The following PKIB variants were observed in gnomAD, a reference collection of about 807,000 sequenced individuals.
PKIB encodes the protein cAMP-dependent protein kinase inhibitor beta.
PKIB carries 2 observed loss-of-function variants against 4.5 expected under a neutral mutation model. The observed-to-expected ratio is 0.44, with a 90% CI of 0.18 to 1.39. The LOEUF is 1.39. Ranked by LOEUF, PKIB falls within the 40% of genes most tolerant of loss-of-function variation. The probability of loss-of-function intolerance (pLI) is 0.27; values close to 1 mark genes in which losing one functional copy is unlikely to be tolerated. For missense variants in PKIB, 94 were observed against 92.6 expected (o/e 1.02, Z -0.06); for synonymous variants, 38 against 36.0 (o/e 1.06, Z -0.20).
intron 2 of PKIB, among the ~76,000 whole-genome samples, chr6:122,663,791 A>T (rs1382480785): frequency 1.3e-5 from 2 of 152,148 alleles, no homozygotes; most frequent in African/African-American, 2.4e-5. Context: ...TCCAAATAAC[A>T]TCATATTCAC....
At chr6:122,479,912 G>A (rs1000191195) in intron 2 of PKIB, 1 of 151,854 alleles carries the variant, frequency 6.6e-6, no homozygotes, top group Admixed American at 6.5e-5. Flanking sequence ...ACAGTGAAAA[G>A]GTCCAACAGA....
rs559185471 is a variant in PKIB, at chr6:122,710,113, T to C, written c.-8-7674T>C. 4.6e-5 allele frequency among the ~76,000 whole-genome samples: 7 copies of C among 152,262 alleles called. No homozygotes were observed. The South Asian group carries it at 1.2e-3, about 27-fold the overall frequency. ...GTATCAGCTATTAATTCAACATTGA[T>C]TTATTGATTGTATTAAGCAGATATG... is the stretch of plus-strand genomic sequence containing the variant. On this transcript the variant is annotated intron_variant, in intron 3 of 4. Transcript: ENST00000368452.
intron 2 of PKIB, among the ~76,000 whole-genome samples, chr6:122,542,229 G>A (rs1777627982): frequency 1.3e-5 from 2 of 152,038 alleles, no homozygotes; most frequent in African/African-American, 2.4e-5. Flanking sequence ...CTGGTGAGGA[G>A]CTGCGTTCCT....
intron 3 of PKIB, among the ~76,000 whole-genome samples, chr6:122,677,195 T>C (rs1045031291): frequency 2.0e-5 from 3 of 152,218 alleles, no homozygotes; most frequent in Non-Finnish European, 4.4e-5. Flanking sequence ...AATTTTCCTT[T>C]AAAAATGATC....
intron 2 of PKIB, 21 bp from the exon 3 acceptor site, chr6:122,675,057 G>GT (rs34110237): frequency 0.38 from 56,140 of 149,022 alleles, 11,394 homozygotes; most frequent in South Asian, 0.61. Flanking sequence ...GTTCTTCATA[G>GT]TTTTTTTTTT....
chr6:122,701,293 T>C, intron 3 of PKIB: 1 of 637,454 alleles, frequency 1.6e-6, no homozygotes, highest in South Asian at 2.0e-5. Context: ...AGGTGTACCA[T>C]TACAAGCAAT....
In PKIB at chr6:122,508,434, A is replaced by G. The variant is rs146755413; in HGVS notation, c.-248+30495A>G. 4.1e-4 allele frequency among the ~76,000 whole-genome samples: 62 copies of G among 152,230 alleles called. 1 individual carries two copies. Among genetic ancestry groups the G allele is most frequent in the African/African-American group, 1.3e-3 (54 of 41,548 alleles). On this transcript the variant is annotated intron_variant, in intron 2 of 6. Coordinates refer to the PKIB transcript ENST00000392491. Reference sequence around the variant, plus strand: ...AATGTCCTTGGCCTGATTTTACATAATTTGATATTTGTTTTTAAGTCCTGT... The same window carrying G: ...AATGTCCTTGGCCTGATTTTACATAGTTTGATATTTGTTTTTAAGTCCTGT...
chr6:122,705,625 G>C (rs1331700212), intron 3 of PKIB, among the ~76,000 whole-genome samples: 1 of 144,340 alleles, frequency 6.9e-6, no homozygotes, highest in Non-Finnish European at 1.5e-5. Flanking sequence ...GAGTGTAGTG[G>C]CGCAATTTCG....
At chr6:122,648,258 G>A (rs1006743072) in intron 2 of PKIB, among the ~76,000 whole-genome samples, 1 of 152,214 alleles carries the variant, frequency 6.6e-6, no homozygotes, top group African/African-American at 2.4e-5. Flanking sequence ...GTGGGGACAT[G>A]AAGCAAAATT....
intron 2 of PKIB, among the ~76,000 whole-genome samples, chr6:122,520,137 G>A (rs1776889921): frequency 6.6e-6 from 1 of 152,000 alleles, no homozygotes; most frequent in South Asian, 2.1e-4. Context: ...GCTTTGTTTG[G>A]CACTGTATCT....
intron 3 of PKIB, among the ~76,000 whole-genome samples, chr6:122,679,835 T>G (rs1777825808): frequency 6.6e-6 from 1 of 152,154 alleles, no homozygotes; most frequent in South Asian, 2.1e-4. Context: ...TCATCTCAGT[T>G]GTGAGAGGTA....
chr6:122,721,941 A>G (rs1401655308), intron 4 of PKIB, among the ~76,000 whole-genome samples: 1 of 152,144 alleles, frequency 6.6e-6, no homozygotes, highest in Non-Finnish European at 1.5e-5. Context: ...TGAGATAAGT[A>G]ACAGTTCAAA....
chr6:122,687,919 C>A (rs1778155956), intron 3 of PKIB, among the ~76,000 whole-genome samples: 1 of 151,798 alleles, frequency 6.6e-6, no homozygotes, highest in African/African-American at 2.4e-5. Flanking sequence ...TGACTTCTTT[C>A]TTTCCAATTT....
chr6:122,511,040 T>C (rs1315661346), intron 2 of PKIB, among the ~76,000 whole-genome samples: 1 of 152,144 alleles, frequency 6.6e-6, no homozygotes, highest in Non-Finnish European at 1.5e-5. Flanking sequence ...GTCTCCTTTT[T>C]GTTAGTACTT....
intron 2 of PKIB, among the ~76,000 whole-genome samples, chr6:122,643,227 C>T (rs1248140756): frequency 2.6e-5 from 4 of 152,118 alleles, no homozygotes; most frequent in Non-Finnish European, 5.9e-5. Flanking sequence ...TTTCTTACCC[C>T]ATGCAATTGT....
At chr6:122,613,283 A>G (rs1774838567) in intron 1 of PKIB, among the ~76,000 whole-genome samples, 1 of 152,216 alleles carries the variant, frequency 6.6e-6, no homozygotes, top group Admixed American at 6.5e-5. Flanking sequence ...AAACAAAATT[A>G]TTCTTTCCTC....
intron 3 of PKIB, among the ~76,000 whole-genome samples, chr6:122,690,932 A>ATTT (rs1210629019): frequency 3.8e-4 from 53 of 138,766 alleles, no homozygotes; most frequent in Admixed American, 6.5e-4. Flanking sequence ...ATATATATAT[A>ATTT]TTTTTTTTTT....
chr6:122,487,397 A>C (rs1775799466), intron 2 of PKIB, among the ~76,000 whole-genome samples: 1 of 152,000 alleles, frequency 6.6e-6, no homozygotes, highest in African/African-American at 2.4e-5. Context: ...CTGAATATTC[A>C]TGTTTGTGTT....
intron 1 of PKIB, among the ~76,000 whole-genome samples, chr6:122,614,208 ATT>A (rs907378202): frequency 6.6e-6 from 1 of 152,092 alleles, no homozygotes; most frequent in Non-Finnish European, 1.5e-5. Flanking sequence ...AACAATCTAG[ATT>A]TGCATAATTT....
Sources: allele counts gnomAD v4.1 joint callset (sites outside exome capture counted in the v4.1 genomes callset), GRCh38; gene constraint gnomAD v4.1.1; transcripts MANE v1.5; gene names NCBI Gene and HGNC (gene_info 2026-07-23, HGNC 2026-07-21).